The following BRI3BP variants were observed in gnomAD, a reference collection of about 807,000 sequenced individuals.
The protein encoded by BRI3BP is BRI3-binding protein.
A neutral mutation model predicts 15.8 loss-of-function variants in BRI3BP; 7 were observed. That is an observed-to-expected ratio of 0.44 (90% confidence interval 0.25 to 0.83). The LOEUF is 0.83. BRI3BP is among the 40% of genes least tolerant of loss of function. BRI3BP has a pLI of 0.20. For synonymous variants in BRI3BP, 192 were observed against 163.5 expected (o/e 1.17, Z -1.33); for missense variants, 320 against 339.3 (o/e 0.94, Z 0.45).
At chr12:125,044,450 A>ATTT in the BRI3BP span, among the ~76,000 whole-genome samples, 4 of 138,252 alleles carry the variant, frequency 2.9e-5, no homozygotes, top group Non-Finnish European at 3.1e-5. Context: ...TGCCCGGCCA[A>ATTT]TTTTTTTTTT....
intron 1 of BRI3BP, among the ~76,000 whole-genome samples, chr12:125,011,869 G>A (rs1955199498): frequency 1.3e-5 from 2 of 152,158 alleles, no homozygotes; most frequent in African/African-American, 4.8e-5. Context: ...AGCTTCCTTG[G>A]AGCAGAAACT....
rs754733914 is a variant in BRI3BP at position 124,994,013 on chromosome 12, G to C, written c.213+10G>C. On this transcript the variant is annotated intron_variant, in intron 1 of 2. Transcript: ENST00000341446. The stretch of plus-strand genomic sequence containing the variant: ...GCGCGCCGCTCAGAAGGTGGGCGCC[G>C]GGCCCGCGCCCGCGGTCACCTTGCC... 9.8e-6 allele frequency: 13 copies of C among 1,324,114 alleles called. No individual in the cohort carries two copies. The highest frequency in any genetic ancestry group is 5.0e-4 in the Middle Eastern group (2 of 3,982). The allele number at this position is 1,324,114 out of a possible 1,614,324, so 82.0% of individuals were successfully genotyped here.
At chr12:125,013,557 G>C (rs1955214969) in intron 2 of BRI3BP, among the ~76,000 whole-genome samples, 1 of 152,210 alleles carries the variant, frequency 6.6e-6, no homozygotes, top group African/African-American at 2.4e-5. Flanking sequence ...CTGCCAGGTG[G>C]AACTTACTTT....
intron 1 of BRI3BP, 84 bp from the exon 2 acceptor site, chr12:125,012,450 A>G (rs1483811331): frequency 1.7e-6 from 2 of 1,144,422 alleles, no homozygotes; most frequent in African/African-American, 1.5e-5. Flanking sequence ...CTTCCCAGGT[A>G]TAAACTCCCA....
chr12:124,993,955 G>C lies in BRI3BP; in HGVS notation c.165G>C (p.Gln55His), dbSNP rs1289748098. ...SYRRTVNTFS[Q>H]SVSSLFGEDN... Reference sequence around the variant, plus strand: ...GCCGCACGGTCAACACCTTCTCCCAGAGCGTCAGCAGCCTGTTCGGCGAGG... The same window carrying C: ...GCCGCACGGTCAACACCTTCTCCCACAGCGTCAGCAGCCTGTTCGGCGAGG... The change falls in exon 1 of 3, where the codon CAG (glutamine) becomes CAC (histidine). Residue 55 changes from glutamine (Q) to histidine (H), a missense_variant. By Grantham distance (24) the Gln-to-His change is conservative (BLOSUM62 0). Transcript: ENST00000341446. The C allele has an allele frequency of 7.3e-7, 1 of 1,369,716 alleles. No homozygotes were observed. The highest frequency in any genetic ancestry group is 9.5e-7 in the Non-Finnish European group (1 of 1,047,796). The allele number at this position is 1,369,716 out of a possible 1,614,324, so 84.8% of individuals were successfully genotyped here.
intron 1 of BRI3BP, among the ~76,000 whole-genome samples, chr12:125,011,719 ATT>A (rs35706724): frequency 9.0e-4 from 137 of 151,488 alleles, no homozygotes; most frequent in African/African-American, 2.3e-3. Context: ...AATATCACTA[ATT>A]TTTTAAAAAA....
the BRI3BP span, among the ~76,000 whole-genome samples, chr12:125,036,309 C>A: frequency 1.9e-4 from 29 of 151,520 alleles, no homozygotes; most frequent in African/African-American, 6.0e-4. Context: ...TCTGATCCCC[C>A]GCCTTGGCCT....
intron 1 of BRI3BP, among the ~76,000 whole-genome samples, chr12:125,012,313 C>G (rs1485629955): frequency 1.3e-5 from 2 of 152,164 alleles, no homozygotes; most frequent in African/African-American, 2.4e-5. Flanking sequence ...CTTGTTCAGC[C>G]CTTGCAAGGA....
chr12:125,007,871 C>A (rs758164358), intron 1 of BRI3BP, among the ~76,000 whole-genome samples: 1 of 152,128 alleles, frequency 6.6e-6, no homozygotes, highest in Non-Finnish European at 1.5e-5. Flanking sequence ...TGTCTTACTA[C>A]GCGTCTCTTC....
the BRI3BP span, among the ~76,000 whole-genome samples, chr12:125,047,499 G>A: frequency 2.0e-5 from 3 of 149,318 alleles, no homozygotes; most frequent in South Asian, 4.3e-4. Context: ...TTCAAGACAG[G>A]GTCTTGCTGT....
intron 1 of BRI3BP, among the ~76,000 whole-genome samples, chr12:124,995,823 C>G (rs922762107): frequency 6.6e-6 from 1 of 152,170 alleles, no homozygotes; most frequent in Non-Finnish European, 1.5e-5. Flanking sequence ...GACATGGAGC[C>G]CACATTAGTA....
chr12:125,002,901 G>A (rs958093604), intron 1 of BRI3BP, among the ~76,000 whole-genome samples: 22 of 152,196 alleles, frequency 1.4e-4, no homozygotes, highest in Non-Finnish European at 2.1e-4. Flanking sequence ...ATCGGGGCTC[G>A]TGGTGTCTGT....
intron 2 of BRI3BP, among the ~76,000 whole-genome samples, chr12:125,017,110 C>G (rs911880078): frequency 6.6e-6 from 1 of 151,788 alleles, no homozygotes; most frequent in African/African-American, 2.4e-5. Context: ...ACCTCCACCT[C>G]CCGGGTTCAA....
At chr12:125,010,091 G>A (rs113832730) in intron 1 of BRI3BP, among the ~76,000 whole-genome samples, 18,442 of 143,494 alleles carry the variant, frequency 0.13, 1,503 homozygotes, top group South Asian at 0.33. Context: ...GACAGAGTGA[G>A]ACCCTGTCTC....
At chr12:125,013,205 G>A (rs147318649) in intron 2 of BRI3BP, among the ~76,000 whole-genome samples, 59 of 152,296 alleles carry the variant, frequency 3.9e-4, no homozygotes, top group East Asian at 3.1e-3. Context: ...ATGGACCAGA[G>A]GTATAGTGCT....
chr12:125,047,727 C>T, the BRI3BP span, among the ~76,000 whole-genome samples: 9 of 151,986 alleles, frequency 5.9e-5, no homozygotes, highest in South Asian at 4.1e-4. Flanking sequence ...GACTGAGTCT[C>T]GCTTTGCTGC....
chr12:125,023,749 T>C (rs1011463580), intron 2 of BRI3BP, among the ~76,000 whole-genome samples: 3 of 152,170 alleles, frequency 2.0e-5, no homozygotes, highest in African/African-American at 7.2e-5. Context: ...AGATTGGGTC[T>C]GTATTAGTCT....
Position 125,011,031 on chromosome 12 carries a change from C to T in BRI3BP, c.214-1503C>T, listed in dbSNP as rs145533640. Among the ~76,000 whole-genome samples, 1,132 of 138,318 alleles carry T rather than the reference C, an allele frequency of 8.2e-3. 16 individuals carry two copies. Among genetic ancestry groups the T allele is most frequent in the African/African-American group, 0.029 (1,062 of 36,732 alleles). The allele number at this position is 138,318 out of a possible 152,430, so 90.7% of individuals were successfully genotyped here. On this transcript the variant is annotated intron_variant, in intron 1 of 2. Coordinates refer to ENST00000341446, the MANE Select transcript of BRI3BP (RefSeq NM_080626.6). ...ATTGCTTGAACTTGGGAGGTGGAGG[C>T]TGCAGTGAGCCGAGATCATACCACT...
rs1955366220 is a variant in BRI3BP, at chr12:125,027,528, G to T, written c.*2098G>T. The T allele has an allele frequency of 6.6e-6, 1 of 151,978 alleles. No homozygotes were observed. The highest frequency in any genetic ancestry group is 1.5e-5 in the Non-Finnish European group (1 of 68,036). The allele number at this position is 151,978 out of a possible 1,614,324, so 9.4% of individuals were successfully genotyped here. ...CTACTAAAAATACAAAAATTAGCCA[G>T]GCCTGGTGGTGGGCGCCTGTGATCC... On this transcript the variant is annotated 3_prime_UTR_variant, in exon 3 of 3. Transcript: ENST00000341446.
Sources: gnomAD v4.1 joint callset for allele counts (sites outside exome capture counted in the v4.1 genomes callset) on GRCh38, gnomAD v4.1.1 for gene constraint, MANE v1.5 for transcripts, NCBI Gene and HGNC (gene_info 2026-07-23, HGNC 2026-07-21) for gene names.